The following SCML4 variants were observed in gnomAD, a reference collection of about 807,000 sequenced individuals.
The protein encoded by SCML4 is sex comb on midleg-like protein 4.
A neutral mutation model predicts 41.1 loss-of-function variants in SCML4; 34 were observed. The observed-to-expected ratio is 0.83, with a 90% CI of 0.63 to 1.10. The LOEUF (loss-of-function observed/expected upper bound fraction) is 1.10, where lower values mean the gene tolerates loss of function less well. Among genes scored for constraint, SCML4 ranks in the 50% least tolerant of loss-of-function variants. SCML4 has a pLI of 0.00. For synonymous variants in SCML4, 214 were observed against 220.9 expected (o/e 0.97, Z 0.28); for missense variants, 522 against 534.1 (o/e 0.98, Z 0.22).
chr6:107,831,889 A>G, the SCML4 span, among the ~76,000 whole-genome samples: 2 of 87,926 alleles, frequency 2.3e-5, no homozygotes, highest in Admixed American at 2.9e-4. Context: ...CGTCTCTACT[A>G]AAAAATACAC....
At chr6:107,720,456 G>A in intron 6 of SCML4, 2 of 1,198,598 alleles carry the variant, frequency 1.7e-6, no homozygotes, top group Non-Finnish European at 2.1e-6. Flanking sequence ...TTGAGCCTGT[G>A]TACATTTTGG....
intron 6 of SCML4, among the ~76,000 whole-genome samples, chr6:107,717,133 A>C (rs890534184): frequency 1.8e-5 from 2 of 109,626 alleles, no homozygotes; most frequent in Non-Finnish European, 3.6e-5. Flanking sequence ...CCCCGTCTCT[A>C]CTAAAAATAC....
intron 5 of SCML4, among the ~76,000 whole-genome samples, chr6:107,721,813 A>G (rs1178647721): frequency 6.6e-6 from 1 of 152,060 alleles, no homozygotes; most frequent in Non-Finnish European, 1.5e-5. Flanking sequence ...ATCCTCCGCC[A>G]CGGCTAACAA....
chr6:107,728,969 T>C (rs908723793), intron 5 of SCML4, among the ~76,000 whole-genome samples: 11 of 152,192 alleles, frequency 7.2e-5, no homozygotes, highest in Non-Finnish European at 2.9e-5. Context: ...CACTTTTCTA[T>C]AGAGGGGTTC....
Position 107,744,989 on chromosome 6 carries a change from A to G in SCML4, c.642T>C (p.Ser214=). The G allele has an allele frequency of 6.2e-7, 1 of 1,613,648 alleles. No homozygotes were observed. Among genetic ancestry groups the G allele is most frequent in the Non-Finnish European group, 8.5e-7 (1 of 1,179,760 alleles). Residue 214 remains serine (S), a synonymous_variant, in exon 5 of 8, where the codon TCT becomes TCC. Transcript: ENST00000369020. Reference sequence around the variant, plus strand: ...CTTCCTCTTTCTCCTGGACTTTCTCAGAGGCACTGCAGCCCCTGGGGAAGG... The same window carrying G: ...CTTCCTCTTTCTCCTGGACTTTCTCGGAGGCACTGCAGCCCCTGGGGAAGG... ...HQPFPRGCSA[S]EKVQEKEEGR...
At chr6:107,730,075 G>A (rs565788220) in intron 5 of SCML4, among the ~76,000 whole-genome samples, 1 of 152,312 alleles carries the variant, frequency 6.6e-6, no homozygotes, top group Admixed American at 6.5e-5. Context: ...TGAGGCAGAT[G>A]AATTCTAGGT....
intron 5 of SCML4, among the ~76,000 whole-genome samples, chr6:107,737,307 T>A (rs368112035): frequency 3.9e-5 from 6 of 152,316 alleles, no homozygotes; most frequent in East Asian, 3.9e-4. Context: ...GAGACCATGC[T>A]TCAGGTGCTT....
intron 5 of SCML4, among the ~76,000 whole-genome samples, chr6:107,734,007 G>A (rs138535540): frequency 8.5e-4 from 130 of 152,306 alleles, no homozygotes; most frequent in Middle Eastern, 3.4e-3. Context: ...GGGACTGTTC[G>A]CCTCATGGAA....
chr6:107,776,986 T>C (rs1781005810), intron 1 of SCML4, among the ~76,000 whole-genome samples: 1 of 152,258 alleles, frequency 6.6e-6, no homozygotes, highest in Admixed American at 6.5e-5. Context: ...AAGATAAATC[T>C]GCACATGTTT....
chr6:107,782,430 C>T (rs1002286202), intron 1 of SCML4, among the ~76,000 whole-genome samples: 14 of 152,230 alleles, frequency 9.2e-5, no homozygotes, highest in African/African-American at 3.4e-4. Context: ...AGTGTGCCCC[C>T]TCCCTGTCTC....
chr6:107,827,031 A>C (rs370501846), upstream of SCML4, among the ~76,000 whole-genome samples: 560 of 151,786 alleles, frequency 3.7e-3, 1 homozygote, highest in African/African-American at 7.2e-3. Flanking sequence ...CCACTGCACT[A>C]CAGCCTGGGC....
chr6:107,771,674 T>C (rs945000087), intron 2 of SCML4, among the ~76,000 whole-genome samples: 11 of 152,254 alleles, frequency 7.2e-5, no homozygotes. Flanking sequence ...ATTTTCATTA[T>C]GACTCTCTGT....
the SCML4 span, among the ~76,000 whole-genome samples, chr6:107,842,008 G>A: frequency 6.6e-5 from 10 of 152,128 alleles, no homozygotes; most frequent in Non-Finnish European, 1.5e-4. Context: ...TATGGTAGGA[G>A]CTTAGTTTAT....
At position 107,785,317 on chromosome 6, in the gene SCML4, C is replaced by T. The variant is rs72933188; in HGVS notation, c.-59-12931G>A. On this transcript the variant is annotated intron_variant, in intron 1 of 7. Coordinates refer to ENST00000369020, the MANE Select transcript of SCML4 (RefSeq NM_198081.5). ...CCTTGTCCTAGAGGACAACACAAAA[C>T]CTGCAGGAACAAGGTGACTGCGATC... is the stretch of plus-strand genomic sequence containing the variant. Among the ~76,000 whole-genome samples the T allele has an allele frequency of 5.0e-3, 767 of 152,292 alleles. 1 individual carries two copies. The highest frequency in any genetic ancestry group is 0.01 in the Middle Eastern group (3 of 294).
intron 5 of SCML4, among the ~76,000 whole-genome samples, chr6:107,737,539 C>A (rs558592246): frequency 2.6e-5 from 4 of 152,300 alleles, no homozygotes; most frequent in South Asian, 4.1e-4. Context: ...CAGAGAAGAA[C>A]CATCTTAGCA....
chr6:107,816,189 C>G (rs751631899), intron 1 of SCML4, among the ~76,000 whole-genome samples: 1 of 152,168 alleles, frequency 6.6e-6, no homozygotes, highest in Non-Finnish European at 1.5e-5. Context: ...TAAAAGTAGC[C>G]CCTCCTGTAT....
intron 5 of SCML4, among the ~76,000 whole-genome samples, chr6:107,731,182 G>A (rs1776504093): frequency 1.3e-5 from 2 of 152,154 alleles, no homozygotes; most frequent in African/African-American, 4.8e-5. Context: ...GGCAGGGAGG[G>A]GAAAACGGAC....
chr6:107,784,181 A>T (rs1336743621), intron 1 of SCML4, among the ~76,000 whole-genome samples: 1 of 152,214 alleles, frequency 6.6e-6, no homozygotes, highest in African/African-American at 2.4e-5. Flanking sequence ...ACCGGGCAGA[A>T]TGGGAAAACT....
chr6:107,703,430 C>G lies in SCML4; in HGVS notation c.*1770G>C, dbSNP rs1773334631. Among the ~76,000 whole-genome samples, 1 of 152,242 alleles carries G rather than the reference C, an allele frequency of 6.6e-6. No individual in the cohort carries two copies. Among genetic ancestry groups the G allele is most frequent in the Non-Finnish European group, 1.5e-5 (1 of 68,042 alleles). On this transcript the variant is annotated 3_prime_UTR_variant, in exon 8 of 8. Coordinates refer to ENST00000369020, the MANE Select transcript of SCML4 (RefSeq NM_198081.5). Reference sequence around the variant, plus strand: ...TCCTCCTCCCCTTCTCTGCCATGCTCTCAGTCCAGCCGCCATTTGTGTGTC... The same window carrying G: ...TCCTCCTCCCCTTCTCTGCCATGCTGTCAGTCCAGCCGCCATTTGTGTGTC...
Sources: allele counts gnomAD v4.1 joint callset (sites outside exome capture counted in the v4.1 genomes callset), GRCh38; gene constraint gnomAD v4.1.1; transcripts MANE v1.5; gene names NCBI Gene and HGNC (gene_info 2026-07-23, HGNC 2026-07-21).